Variants in KDM2B observed in about 807,000 individuals in gnomAD.
KDM2B encodes the protein lysine-specific demethylase 2B.
Under a neutral mutation model 150.0 loss-of-function variants are expected in KDM2B, and 26 were observed. The observed-to-expected ratio is 0.17, with a 90% CI of 0.13 to 0.24. The LOEUF (loss-of-function observed/expected upper bound fraction) is 0.24. KDM2B is among the 10% of genes least tolerant of loss of function. The probability of loss-of-function intolerance (pLI) is 1.00; values close to 1 mark genes in which losing one functional copy is unlikely to be tolerated. For synonymous variants in KDM2B, 734 were observed against 729.5 expected (o/e 1.01, Z -0.10); for missense variants, 1,265 against 1,816.9 (o/e 0.70, Z 5.52).
At chr12:121,557,231 A>ATTTTT (rs142679491) in intron 4 of KDM2B, among the ~76,000 whole-genome samples, 1 of 103,724 alleles carries the variant, frequency 9.6e-6, no homozygotes, top group Non-Finnish European at 1.8e-5. Flanking sequence ...AGACAAGAGA[A>ATTTTT]TTTTTTTTTT....
intron 8 of KDM2B, among the ~76,000 whole-genome samples, chr12:121,523,718 G>A (rs190755375): frequency 1.3e-5 from 2 of 152,344 alleles, no homozygotes; most frequent in East Asian, 3.9e-4. Context: ...GGAGAGCAAG[G>A]GAAAGCTCAT....
intron 21 of KDM2B, chr12:121,440,613 G>A: frequency 3.6e-6 from 2 of 556,894 alleles, no homozygotes; most frequent in South Asian, 2.5e-5. Flanking sequence ...CGCACGCGGA[G>A]CCCCAGGAGC....
chr12:121,455,797 G>T (rs1878141809), intron 12 of KDM2B, among the ~76,000 whole-genome samples: 1 of 152,170 alleles, frequency 6.6e-6, no homozygotes, highest in African/African-American at 2.4e-5. Context: ...ACCTTTCGGG[G>T]GCCAAGTCCA....
chr12:121,422,488 T>A, the KDM2B span, among the ~76,000 whole-genome samples: 1 of 152,208 alleles, frequency 6.6e-6, no homozygotes, highest in Non-Finnish European at 1.5e-5. Flanking sequence ...ATCCCATAGA[T>A]CCTTTCTCCC....
At chr12:121,490,912 C>T (rs539614183) in intron 12 of KDM2B, among the ~76,000 whole-genome samples, 3 of 152,238 alleles carry the variant, frequency 2.0e-5, no homozygotes, top group Non-Finnish European at 4.4e-5. Flanking sequence ...GTAACCCGAC[C>T]CAGATCAAAT....
chr12:121,528,709 A>T (rs932066755), intron 8 of KDM2B, among the ~76,000 whole-genome samples: 2 of 152,204 alleles, frequency 1.3e-5, no homozygotes, highest in African/African-American at 2.4e-5. Flanking sequence ...CCTGGGCAAC[A>T]TGGTGAAACC....
Position 121,442,475 on chromosome 12 carries a change from C to T in KDM2B, c.2966G>A (p.Gly989Asp). Residue 989 changes from glycine to aspartate, a missense_variant, in exon 19 of 23, where the codon GGC (glycine) becomes GAC (aspartate). Transcript: ENST00000377071. The surrounding 1 kb of genome is among the most constrained non-coding windows in gnomAD (Gnocchi z 7.7). Reference sequence around the variant, plus strand: ...GAAGCGGTGGGGACGCTCGCAGATGCCCGGGGGCCGCTTGGGCTCCTCGCC... The same window carrying T: ...GAAGCGGTGGGGACGCTCGCAGATGTCCGGGGGCCGCTTGGGCTCCTCGCC... ...SEGEEPKRPP[G>D]ICERPHRFSK... 1 of 1,599,608 alleles carries T rather than the reference C, an allele frequency of 6.3e-7. No homozygotes were observed. The highest frequency in any genetic ancestry group is 1.1e-5 in the South Asian group (1 of 91,056).
chr12:121,422,325 T>C, the KDM2B span, among the ~76,000 whole-genome samples: 1 of 152,314 alleles, frequency 6.6e-6, no homozygotes, highest in African/African-American at 2.4e-5. Flanking sequence ...CTACCAAGAT[T>C]GTTCCCATAT....
rs909259714 is a variant in KDM2B at position 121,521,217 on chromosome 12, C to G, written c.932-117G>C. 5.9e-6 allele frequency: 4 copies of G among 683,104 alleles called. No homozygotes were observed. The South Asian group carries it at 6.7e-5, about 11-fold the overall frequency. The allele number at this position is 683,104 out of a possible 1,614,324, so 42.3% of individuals were successfully genotyped here. A position where few individuals can be genotyped will look rare whatever the true frequency, so the allele number is the denominator to read the frequency against. On this transcript the variant is annotated intron_variant, in intron 8 of 22. Transcript: ENST00000377071. The surrounding 1 kb of genome is among the most constrained non-coding windows in gnomAD (Gnocchi z 4.9). ...GGAGGGTGCAGGGAGTGGAGAAGAG[C>G]AGCCAGGGCCTGGGGCAGCGGCGCC...
chr12:121,467,152 G>T lies in KDM2B; in HGVS notation c.1735-13808C>A. 8.9e-7 allele frequency: 1 copy of T among 1,120,438 alleles called. No homozygotes were observed. The highest frequency in any genetic ancestry group is 1.8e-5 in the South Asian group (1 of 56,804). 69.4% of individuals were successfully genotyped at this position (1,120,438 alleles called of 1,614,324 possible). On this transcript the variant is annotated intron_variant, in intron 12 of 22. Transcript: ENST00000377071. This position sits in a 1 kb window ranked among gnomAD's most constrained non-coding sequence, Gnocchi z 5.1. ...CCCTCCCTCAGCCCCACCCCGGGCC[G>T]CCGACCTGGTCCGGCTCCGATTCAT...
rs1403693720 is a variant in KDM2B, at chr12:121,549,942, G to A, written c.398-304C>T. ...TGTAATCCCAGCACTTTGGGAGGCC[G>A]AGGTGGAGGGATCACCTGAGGTCAG... is the stretch of plus-strand genomic sequence containing the variant. On this transcript the variant is annotated intron_variant, in intron 4 of 22. Coordinates refer to ENST00000377071, the MANE Select transcript of KDM2B (RefSeq NM_032590.5). This position sits in a 1 kb window ranked among gnomAD's most constrained non-coding sequence, Gnocchi z 4.4. Among the ~76,000 whole-genome samples the A allele has an allele frequency of 4.6e-5, 7 of 152,198 alleles. No homozygotes were observed. Among genetic ancestry groups the A allele is most frequent in the African/African-American group, 9.7e-5 (4 of 41,428 alleles).
chr12:121,556,852 T>TA (rs782133921), intron 4 of KDM2B, among the ~76,000 whole-genome samples: 733 of 132,964 alleles, frequency 5.5e-3, no homozygotes, highest in African/African-American at 8.6e-3. Flanking sequence ...ACTCTGTCCT[T>TA]AAAAAAAAAA....
At chr12:121,566,584 G>T (rs184181517) in intron 4 of KDM2B, among the ~76,000 whole-genome samples, 2 of 152,028 alleles carry the variant, frequency 1.3e-5, no homozygotes, top group African/African-American at 4.8e-5. Context: ...TCGCGCCAAT[G>T]CACTCCAGCC....
At chr12:121,455,649 G>A (rs1878118053) in intron 12 of KDM2B, among the ~76,000 whole-genome samples, 1 of 152,308 alleles carries the variant, frequency 6.6e-6, no homozygotes, top group South Asian at 2.1e-4. Flanking sequence ...AGGTGGCAGT[G>A]AGCTGTGATC....
At chr12:121,450,703 C>CA (rs1337664346) in intron 13 of KDM2B, among the ~76,000 whole-genome samples, 4 of 151,870 alleles carry the variant, frequency 2.6e-5, no homozygotes, top group African/African-American at 4.8e-5. Context: ...ACTAAAAATG[C>CA]AAAAAAATTA....
intron 13 of KDM2B, among the ~76,000 whole-genome samples, chr12:121,445,746 C>CT (rs1435840684): frequency 6.6e-6 from 1 of 152,062 alleles, no homozygotes; most frequent in Non-Finnish European, 1.5e-5. Context: ...AATTAGAGGG[C>CT]TGGAGTGAGG....
intron 12 of KDM2B, among the ~76,000 whole-genome samples, chr12:121,458,084 A>T (rs1372652195): frequency 1.3e-5 from 2 of 152,220 alleles, no homozygotes; most frequent in Admixed American, 6.5e-5. Flanking sequence ...CGCGACCCCA[A>T]GCAAAATCCC....
At chr12:121,443,227 T>A (rs568325622) in intron 17 of KDM2B, 197 bp from the exon 18 acceptor site, 10 of 618,814 alleles carry the variant, frequency 1.6e-5, no homozygotes, top group Non-Finnish European at 5.8e-6. Context: ...AAGCTGGAAG[T>A]AGGAGTACAG....
chr12:121,408,790 T>C, the KDM2B span, among the ~76,000 whole-genome samples: 2 of 152,274 alleles, frequency 1.3e-5, no homozygotes, highest in Middle Eastern at 3.4e-3. Context: ...TCTCCTCATA[T>C]TGGGAGATTT....
Sources: gnomAD v4.1 joint callset for allele counts (sites outside exome capture counted in the v4.1 genomes callset) on GRCh38, gnomAD v4.1.1 for gene constraint, Gnocchi (gnomAD v3.1) non-coding constraint, MANE v1.5 for transcripts, NCBI Gene and HGNC (gene_info 2026-07-23, HGNC 2026-07-21) for gene names.